NRXN1: variants seen among roughly 807,000 people sequenced by gnomAD.
NRXN1 encodes the protein neurexin-1.
A neutral mutation model predicts 150.9 loss-of-function variants in NRXN1; 39 were observed. The observed-to-expected ratio is 0.26, with a 90% confidence interval of 0.20 to 0.34. The LOEUF is 0.34. Among genes scored for constraint, NRXN1 ranks in the 10% least tolerant of loss-of-function variants. The probability of loss-of-function intolerance (pLI) is 1.00; values close to 1 mark genes in which losing one functional copy is unlikely to be tolerated. For synonymous variants in NRXN1, 924 were observed against 757.0 expected (o/e 1.22, Z -3.62); for missense variants, 1,815 against 1,949.9 (o/e 0.93, Z 1.30).
chr2:50,592,933 C>T (rs570665563), intron 8 of NRXN1, among the ~76,000 whole-genome samples: 1 of 152,284 alleles, frequency 6.6e-6, no homozygotes, highest in Admixed American at 6.5e-5. Context: ...TTTCCCAGAG[C>T]ACTTTATTTA....
chr2:50,393,319 G>A (rs1490427181), intron 17 of NRXN1, among the ~76,000 whole-genome samples: 1 of 151,958 alleles, frequency 6.6e-6, no homozygotes, highest in Non-Finnish European at 1.5e-5. Context: ...TTTAGACAAA[G>A]TGCATTTCTC....
intron 8 of NRXN1, among the ~76,000 whole-genome samples, chr2:50,572,001 C>G (rs1218758183): frequency 6.6e-6 from 1 of 151,964 alleles, no homozygotes; most frequent in East Asian, 1.9e-4. Flanking sequence ...CAGTCAAGGC[C>G]TAGGAGTAGA....
At chr2:50,067,157 G>A (rs745718745) in intron 19 of NRXN1, among the ~76,000 whole-genome samples, 1 of 152,172 alleles carries the variant, frequency 6.6e-6, no homozygotes, top group Non-Finnish European at 1.5e-5. Flanking sequence ...GGCGTAGAAG[G>A]CTGCAGGCTG....
chr2:50,017,911 A>G (rs1686920980), intron 21 of NRXN1, among the ~76,000 whole-genome samples: 1 of 152,118 alleles, frequency 6.6e-6, no homozygotes, highest in African/African-American at 2.4e-5. Flanking sequence ...GGTCATATTA[A>G]TTTTCAGGAT....
chr2:50,220,845 A>T (rs2063828097), intron 18 of NRXN1, among the ~76,000 whole-genome samples: 1 of 151,994 alleles, frequency 6.6e-6, no homozygotes, highest in African/African-American at 2.4e-5. Flanking sequence ...CCAAACAACC[A>T]CAATTCCCCT....
At chr2:50,444,883 GT>G (rs1247860355) in intron 17 of NRXN1, among the ~76,000 whole-genome samples, 2 of 151,850 alleles carry the variant, frequency 1.3e-5, no homozygotes, top group African/African-American at 4.8e-5. Flanking sequence ...TATTCAGATT[GT>G]TTTTTTCAAA....
rs776382029 is a variant in NRXN1, at chr2:51,027,953, C to A, written c.321G>T (p.Thr107=). The change falls in exon 2 of 23, where the codon ACG becomes ACT. Residue 107 remains threonine, a synonymous_variant. Coordinates refer to ENST00000401669, the MANE Select transcript of NRXN1 (RefSeq NM_001330078.2). ...CAEPATLLAD[T]PVNDGAWHSV... Reference sequence around the variant, plus strand: ...TGTGCCAGGCGCCGTCGTTAACCGGCGTGTCGGCCAGGAGCGTCGCAGGCT... The same window carrying A: ...TGTGCCAGGCGCCGTCGTTAACCGGAGTGTCGGCCAGGAGCGTCGCAGGCT... 39 of 1,602,964 alleles carry A rather than the reference C, an allele frequency of 2.4e-5. No individual in the cohort carries two copies. The East Asian group carries it at 2.9e-4, about 12-fold the overall frequency.
At chr2:50,979,455 G>A (rs1347619527) in intron 2 of NRXN1, among the ~76,000 whole-genome samples, 1 of 152,096 alleles carries the variant, frequency 6.6e-6, no homozygotes, top group Non-Finnish European at 1.5e-5. Flanking sequence ...GAAGCCAGAT[G>A]TGCAACATAT....
chr2:49,943,586 T>C, intron 22 of NRXN1, 118 bp downstream of exon 22: 1 of 718,104 alleles, frequency 1.4e-6, no homozygotes, highest in Non-Finnish European at 2.5e-6. Context: ...CATCTCACAA[T>C]CAACGATGGT....
At chr2:50,873,758 T>C (rs1013917765) in intron 5 of NRXN1, among the ~76,000 whole-genome samples, 2 of 151,882 alleles carry the variant, frequency 1.3e-5, no homozygotes, top group East Asian at 1.9e-4. Context: ...ATATTGTACA[T>C]TGAAAATAAC....
At chr2:50,129,026 T>C (rs1269503967) in intron 18 of NRXN1, among the ~76,000 whole-genome samples, 1 of 149,558 alleles carries the variant, frequency 6.7e-6, no homozygotes, top group Non-Finnish European at 1.5e-5. Flanking sequence ...AATAAAGTTA[T>C]GATGAATAAC....
intron 5 of NRXN1, chr2:50,916,682 G>A (rs1165276538): frequency 3.3e-5 from 5 of 151,492 alleles, no homozygotes; most frequent in African/African-American, 1.2e-4. Context: ...TCCTTTCTGT[G>A]CTCCTCTCTG....
intron 5 of NRXN1, among the ~76,000 whole-genome samples, chr2:50,666,575 C>T (rs951368764): frequency 1.3e-5 from 2 of 151,870 alleles, no homozygotes; most frequent in Non-Finnish European, 2.9e-5. Context: ...TTCAGTTCTT[C>T]CACATTTTCG....
intron 21 of NRXN1, among the ~76,000 whole-genome samples, chr2:50,047,539 A>C (rs560065826): frequency 6.6e-5 from 10 of 152,190 alleles, no homozygotes; most frequent in African/African-American, 2.4e-4. Flanking sequence ...CAGTGGCACT[A>C]TCCATACAGG....
chr2:49,936,481 G>A (rs1285924166), intron 22 of NRXN1, among the ~76,000 whole-genome samples: 4 of 152,096 alleles, frequency 2.6e-5, no homozygotes, highest in Admixed American at 6.5e-5. Flanking sequence ...CAAGCATTGT[G>A]TATGAATCCT....
At chr2:50,427,873 T>C (rs1450411732) in intron 17 of NRXN1, among the ~76,000 whole-genome samples, 1 of 152,194 alleles carries the variant, frequency 6.6e-6, no homozygotes, top group Non-Finnish European at 1.5e-5. Flanking sequence ...GAAAAATGCC[T>C]GACTTTAGAG....
chr2:50,455,003 T>G (rs2087401897), intron 17 of NRXN1, among the ~76,000 whole-genome samples: 1 of 152,066 alleles, frequency 6.6e-6, no homozygotes, highest in Non-Finnish European at 1.5e-5. Context: ...ACAGCCCAAA[T>G]GAGGGCATCA....
intron 5 of NRXN1, among the ~76,000 whole-genome samples, chr2:50,814,084 G>A (rs907927659): frequency 1.3e-5 from 2 of 152,096 alleles, no homozygotes; most frequent in East Asian, 3.9e-4. Flanking sequence ...GGTAAGTATG[G>A]CAACTGTATG....
chr2:50,397,683 G>A (rs1014532938), intron 17 of NRXN1, among the ~76,000 whole-genome samples: 1 of 152,014 alleles, frequency 6.6e-6, no homozygotes, highest in Admixed American at 6.6e-5. Context: ...ATTCACAGTT[G>A]TTTTCTGGCT....
Sources: allele counts gnomAD v4.1 joint callset (sites outside exome capture counted in the v4.1 genomes callset), GRCh38; gene constraint gnomAD v4.1.1; transcripts MANE v1.5; gene names NCBI Gene and HGNC (gene_info 2026-07-23, HGNC 2026-07-21).